SEPTIN7: variants seen among roughly 807,000 people sequenced by gnomAD.
SEPTIN7 encodes the protein septin 7.
In SEPTIN7, 10 loss-of-function variants were observed where a neutral mutation model predicts 63.3. The ratio of observed to expected loss-of-function variants is 0.16; its 90% CI spans 0.10 to 0.27. The LOEUF (loss-of-function observed/expected upper bound fraction) is 0.27. Ranked by LOEUF, SEPTIN7 falls within the 10% of genes least tolerant of loss-of-function variation. The probability of loss-of-function intolerance (pLI) is 1.00; values close to 1 mark genes in which losing one functional copy is unlikely to be tolerated. For synonymous variants in SEPTIN7, 131 were observed against 165.3 expected (o/e 0.79, Z 1.59); for missense variants, 310 against 521.0 (o/e 0.59, Z 3.94).
chr7:35,813,658 A>G, intron 1 of SEPTIN7, among the ~76,000 whole-genome samples: 1 of 152,180 alleles, frequency 6.6e-6, no homozygotes, highest in Non-Finnish European at 1.5e-5. Flanking sequence ...TACAGGAGTA[A>G]GCCACTGCAC....
chr7:35,839,394 G>A (rs986346250), intron 3 of SEPTIN7, among the ~76,000 whole-genome samples: 10 of 151,974 alleles, frequency 6.6e-5, no homozygotes, highest in African/African-American at 2.2e-4. Context: ...GATTTGTTTT[G>A]TTTAATCTCA....
chr7:35,829,762 T>G lies in SEPTIN7; in HGVS notation c.62-1730T>G, dbSNP rs561850198. ...GTCACAGTAAACAAGTTGGGTAAAA[T>G]GTGTGTTGGATAATGGCAAGAGCTA... is the stretch of plus-strand genomic sequence containing the variant. On this transcript the variant is annotated intron_variant, in intron 1 of 13. Transcript: ENST00000350320. 4.6e-5 allele frequency among the ~76,000 whole-genome samples: 7 copies of G among 152,204 alleles called. No homozygotes were observed. In the East Asian group the frequency reaches 1.4e-3, roughly 29 times the overall value.
At chr7:35,812,577 T>G (rs1430524410) in intron 1 of SEPTIN7, among the ~76,000 whole-genome samples, 2 of 152,154 alleles carry the variant, frequency 1.3e-5, no homozygotes, top group East Asian at 3.9e-4. Flanking sequence ...GTGTTGAAAG[T>G]TTTGGGAGGC....
At chr7:35,902,253 A>C (rs1788368652) in intron 12 of SEPTIN7, 1 of 151,834 alleles carries the variant, frequency 6.6e-6, no homozygotes, top group South Asian at 2.1e-4. Flanking sequence ...TTGCACCTAA[A>C]TGAAATTACT....
Position 35,877,858 on chromosome 7 carries a change from A to G in SEPTIN7, c.513-1965A>G, listed in dbSNP as rs571665925. On this transcript the variant is annotated intron_variant, in intron 6 of 13. Transcript: ENST00000350320. ...GGGTATTTCAGTGAGAAGATGGGAG[A>G]AACAAATACAGATGCTCCTCAACTT... Among the ~76,000 whole-genome samples, 9 of 152,308 alleles carry G rather than the reference A, an allele frequency of 5.9e-5. No homozygotes were observed. In the East Asian group the frequency reaches 1.7e-3, roughly 29 times the overall value.
chr7:35,911,404 GC>G (rs567246037), downstream of SEPTIN7, among the ~76,000 whole-genome samples: 462 of 150,686 alleles, frequency 3.1e-3, 2 homozygotes, highest in African/African-American at 0.011. Context: ...GAGGCATACT[GC>G]CCTCAAAAAC....
chr7:35,878,522 AACT>A (rs1172413593), intron 6 of SEPTIN7, among the ~76,000 whole-genome samples: 7 of 152,162 alleles, frequency 4.6e-5, no homozygotes, highest in Non-Finnish European at 1.0e-4. Context: ...GTCAGGTCAT[AACT>A]CCATAAGATT....
intron 2 of SEPTIN7, 74 bp downstream of exon 2, chr7:35,831,570 A>G (rs1583525148): frequency 2.6e-6 from 1 of 383,294 alleles, no homozygotes; most frequent in East Asian, 9.5e-5. Flanking sequence ...GTTGGATGAA[A>G]TATGAGCCAA....
At chr7:35,886,384 A>T (rs986040202) in intron 10 of SEPTIN7, among the ~76,000 whole-genome samples, 3 of 151,940 alleles carry the variant, frequency 2.0e-5, no homozygotes, top group African/African-American at 7.3e-5. Flanking sequence ...AGAGAAGGAA[A>T]GCCTATGGGA....
chr7:35,890,850 T>G (rs1435498436), intron 11 of SEPTIN7, 57 bp downstream of exon 11: 1 of 1,311,938 alleles, frequency 7.6e-7, no homozygotes, highest in African/African-American at 1.5e-5. Flanking sequence ...ATAATCATAT[T>G]GTTTCATTTT....
intron 1 of SEPTIN7, among the ~76,000 whole-genome samples, chr7:35,806,805 C>T (rs1788371887): frequency 6.6e-6 from 1 of 152,150 alleles, no homozygotes; most frequent in Non-Finnish European, 1.5e-5. Flanking sequence ...TCTAAAGTCT[C>T]CCCATCCCTA....
the SEPTIN7 span, among the ~76,000 whole-genome samples, chr7:35,912,504 C>A: frequency 6.6e-6 from 1 of 152,214 alleles, no homozygotes; most frequent in Admixed American, 6.5e-5. Flanking sequence ...CTGTTCGGGG[C>A]TCTCAGCTCT....
intron 1 of SEPTIN7, among the ~76,000 whole-genome samples, chr7:35,801,519 G>A (rs994818460): frequency 2.6e-5 from 4 of 151,472 alleles, no homozygotes; most frequent in African/African-American, 9.7e-5. Flanking sequence ...CTGTGCCGCG[G>A]CGGGCTGGCC....
At chr7:35,909,539 GT>G (rs1788701655), downstream of SEPTIN7, among the ~76,000 whole-genome samples, 3 of 152,188 alleles carry the variant, frequency 2.0e-5, no homozygotes, top group Admixed American at 2.0e-4. Flanking sequence ...GTTTTAGACA[GT>G]ATTCAAACTG....
rs1788592157 is a variant in SEPTIN7 at position 35,905,992 on chromosome 7, G to A, written c.*1699G>A. The A allele has an allele frequency of 6.6e-6, 1 of 152,132 alleles. No homozygotes were observed. Among genetic ancestry groups the A allele is most frequent in the Admixed American group, 6.5e-5 (1 of 15,274 alleles). The allele number at this position is 152,132 out of a possible 1,614,324, so 9.4% of individuals were successfully genotyped here. A position where few individuals can be genotyped will look rare whatever the true frequency, so the allele number is the denominator to read the frequency against. ...ACCTAAGCGGAGGGAATAATTATAA[G>A]TCAATAGCAGAGAGATTGTTGTTTG... On this transcript the variant is annotated 3_prime_UTR_variant, in exon 14 of 14. Coordinates refer to ENST00000350320, the MANE Select transcript of SEPTIN7 (RefSeq NM_001788.6).
chr7:35,892,829 T>G (rs1787729058), intron 11 of SEPTIN7, among the ~76,000 whole-genome samples: 1 of 152,138 alleles, frequency 6.6e-6, no homozygotes, highest in Admixed American at 6.5e-5. Flanking sequence ...GACCATACTT[T>G]GCCTATGCAA....
upstream of SEPTIN7, chr7:35,801,008 A>G (rs1787909897): frequency 2.3e-6 from 1 of 442,186 alleles, no homozygotes; most frequent in Admixed American, 4.4e-5. Context: ...AGCCTCCGCT[A>G]GGCCCGGAAG....
the SEPTIN7 span, among the ~76,000 whole-genome samples, chr7:35,915,076 T>C: frequency 1.4e-5 from 2 of 148,084 alleles, no homozygotes; most frequent in South Asian, 2.2e-4. Flanking sequence ...TGCATGCATG[T>C]ACATATATGT....
intron 1 of SEPTIN7, among the ~76,000 whole-genome samples, chr7:35,822,304 C>T (rs763371293): frequency 3.9e-5 from 6 of 152,086 alleles, no homozygotes; most frequent in Admixed American, 1.3e-4. Context: ...TCAGGCAGTC[C>T]ACCCGCCTCG....
Sources: allele counts gnomAD v4.1 joint callset (sites outside exome capture counted in the v4.1 genomes callset), GRCh38; gene constraint gnomAD v4.1.1; transcripts MANE v1.5; gene names NCBI Gene and HGNC (gene_info 2026-07-23, HGNC 2026-07-21).